The following NUP205 variants were observed in gnomAD, a reference collection of about 807,000 sequenced individuals.
NUP205 encodes nuclear pore complex protein Nup205.
A neutral mutation model predicts 253.8 loss-of-function variants in NUP205; 76 were observed. That is an observed-to-expected ratio of 0.30 (90% confidence interval 0.25 to 0.36). NUP205 has a LOEUF of 0.36. Among genes scored for constraint, NUP205 ranks in the 10% least tolerant of loss-of-function variants. The probability of loss-of-function intolerance (pLI) is 1.00; values close to 1 mark genes in which losing one functional copy is unlikely to be tolerated. For synonymous variants in NUP205, 832 were observed against 850.1 expected (o/e 0.98, Z 0.37); for missense variants, 2,162 against 2,425.5 (o/e 0.89, Z 2.28).
chr7:135,573,982 T>G (rs181181373), intron 3 of NUP205, among the ~76,000 whole-genome samples, 157 bp downstream of exon 3: 95 of 151,370 alleles, frequency 6.3e-4, no homozygotes, highest in African/African-American at 2.2e-3. Context: ...ATCTTTGTTG[T>G]TTTTTTTTGA....
Position 135,625,290 on chromosome 7 carries a change from T to A in NUP205, c.4606T>A (p.Leu1536Met). The part of the protein sequence containing the change: ...VDSLVEDDRT[L>M]QSLLTPQPPL... Reference sequence around the variant, plus strand: ...CAGCTTGGTAGAAGATGACCGTACTTTGCAGAGCTTACTCACCCCACAGCC... The same window carrying A: ...CAGCTTGGTAGAAGATGACCGTACTATGCAGAGCTTACTCACCCCACAGCC... Residue 1536 changes from leucine (L) to methionine (M), a missense_variant, in exon 32 of 43, where the codon TTG becomes ATG. By Grantham distance (15) the Leu-to-Met change is conservative. Around this residue, in one of 5 missense-constraint regions of NUP205, gnomAD observed 1,144 missense variants for 1,280.9 expected, o/e 0.89. Transcript: ENST00000285968. 6.2e-7 allele frequency: 1 copy of A among 1,614,128 alleles called. No homozygotes were observed. The highest frequency in any genetic ancestry group is 8.5e-7 in the Non-Finnish European group (1 of 1,180,002).
intron 34 of NUP205, among the ~76,000 whole-genome samples, chr7:135,629,997 CA>C (rs1391631951): frequency 6.6e-6 from 1 of 152,046 alleles, no homozygotes; most frequent in South Asian, 2.1e-4. Context: ...TTTGGCCAAA[CA>C]ATAAAGAAAA....
chr7:135,561,368 C>G (rs564878724), intron 1 of NUP205, among the ~76,000 whole-genome samples: 1 of 152,056 alleles, frequency 6.6e-6, no homozygotes, highest in Admixed American at 6.6e-5. Flanking sequence ...AAAAAACAAA[C>G]AAAAAAACCT....
chr7:135,576,531 C>T (rs546896199), intron 4 of NUP205, 117 bp downstream of exon 4: 1 of 792,990 alleles, frequency 1.3e-6, no homozygotes, highest in South Asian at 2.0e-5. Context: ...AATATACTCC[C>T]TTATTCTGCC....
intron 34 of NUP205, among the ~76,000 whole-genome samples, chr7:135,629,317 A>T (rs1794655802): frequency 6.6e-6 from 1 of 151,892 alleles, no homozygotes; most frequent in African/African-American, 2.4e-5. Context: ...GGAGGTCAGG[A>T]TTTATATCTC....
At chr7:135,608,934 C>G (rs1217060429) in intron 22 of NUP205, among the ~76,000 whole-genome samples, 1 of 151,408 alleles carries the variant, frequency 6.6e-6, no homozygotes, top group African/African-American at 2.4e-5. Context: ...AACCCCATCT[C>G]TACTAAAAAT....
intron 8 of NUP205, among the ~76,000 whole-genome samples, chr7:135,586,746 G>A (rs145813613): frequency 0.018 from 2,739 of 152,184 alleles, 39 homozygotes; most frequent in Non-Finnish European, 0.027. Flanking sequence ...TCTGTCACAG[G>A]TTTCTAGTTT....
At chr7:135,607,775 G>T (rs923934293) in intron 22 of NUP205, among the ~76,000 whole-genome samples, 5 of 152,056 alleles carry the variant, frequency 3.3e-5, no homozygotes, top group Non-Finnish European at 5.9e-5. Context: ...GAAATGGACT[G>T]TTGAGAGACT....
At chr7:135,610,862 G>A (rs118141924) in intron 22 of NUP205, among the ~76,000 whole-genome samples, 63 of 152,242 alleles carry the variant, frequency 4.1e-4, no homozygotes, top group Non-Finnish European at 7.5e-4. Flanking sequence ...TTGAGGCCTG[G>A]TGCCTTTGCC....
chr7:135,593,253 C>G (rs1348023113), intron 12 of NUP205, 61 bp downstream of exon 12: 5 of 1,382,676 alleles, frequency 3.6e-6, no homozygotes, highest in Non-Finnish European at 5.1e-6. Context: ...ATTTTAAGAG[C>G]CCCAAACATT....
intron 2 of NUP205, 67 bp from the exon 3 acceptor site, chr7:135,573,587 A>G: frequency 8.7e-7 from 1 of 1,154,698 alleles, no homozygotes; most frequent in Non-Finnish European, 1.2e-6. Context: ...AAGCTTCTGT[A>G]GGTAACACTT....
At chr7:135,615,740 T>C (rs1028427184) in intron 23 of NUP205, among the ~76,000 whole-genome samples, 176 bp from the exon 24 acceptor site, 1 of 152,210 alleles carries the variant, frequency 6.6e-6, no homozygotes, top group Non-Finnish European at 1.5e-5. Flanking sequence ...TTTTTCTTTC[T>C]TGGTATCTTT....
In NUP205 at chr7:135,606,214, C is replaced by A; in HGVS notation, c.2893C>A (p.Arg965Ser). Residue 965 changes from arginine to serine, a missense_variant, in exon 20 of 43, where the codon CGT becomes AGT. Arg to Ser is a moderately radical substitution (Grantham distance 110, BLOSUM62 -1). Transcript: ENST00000285968. ...LDCEDAEEFV[R>S]LEEGSELEKK... The stretch of plus-strand genomic sequence containing the variant: ...TTGTGAAGATGCAGAAGAATTTGTA[C>A]GTCTGGAAGAGGGTATGCCTTAGAT... The A allele has an allele frequency of 6.2e-7, 1 of 1,608,194 alleles. No homozygotes were observed. Among genetic ancestry groups the A allele is most frequent in the Non-Finnish European group, 8.5e-7 (1 of 1,174,982 alleles).
At chr7:135,607,963 G>A (rs542649804) in intron 22 of NUP205, among the ~76,000 whole-genome samples, 13 of 150,544 alleles carry the variant, frequency 8.6e-5, no homozygotes, top group Admixed American at 6.0e-4. Context: ...CACCATGCAT[G>A]ACTAATTTTT....
At chr7:135,575,301 G>A (rs185746565) in intron 3 of NUP205, among the ~76,000 whole-genome samples, 18 of 152,164 alleles carry the variant, frequency 1.2e-4, no homozygotes, top group African/African-American at 3.4e-4. Flanking sequence ...TGCAAAATGA[G>A]TAAGCATACA....
At chr7:135,640,882 A>G (rs1445520879) in intron 38 of NUP205, among the ~76,000 whole-genome samples, 1 of 152,130 alleles carries the variant, frequency 6.6e-6, no homozygotes, top group Non-Finnish European at 1.5e-5. Flanking sequence ...AGTTAATTCT[A>G]TATAGTTCTT....
chr7:135,595,424 A>G (rs1042822209), intron 13 of NUP205, among the ~76,000 whole-genome samples: 1 of 151,974 alleles, frequency 6.6e-6, no homozygotes, highest in East Asian at 1.9e-4. Flanking sequence ...GGGTTTTGCC[A>G]TGTTGTCCAG....
chr7:135,631,844 G>A (rs1304600665), intron 35 of NUP205, among the ~76,000 whole-genome samples: 4 of 149,978 alleles, frequency 2.7e-5, no homozygotes, highest in Non-Finnish European at 4.4e-5. Context: ...CCGCCTCCCC[G>A]ATTCACGCCA....
chr7:135,617,518 G>A (rs966221271), intron 26 of NUP205, 84 bp from the exon 27 acceptor site: 1 of 1,017,584 alleles, frequency 9.8e-7, no homozygotes. Flanking sequence ...TTTCCCTTTA[G>A]GGCAGTTTAT....
Sources: allele counts gnomAD v4.1 joint callset (sites outside exome capture counted in the v4.1 genomes callset), GRCh38; gene constraint gnomAD v4.1.1; regional missense constraint gnomAD v4.1.1; transcripts MANE v1.5; gene names NCBI Gene and HGNC (gene_info 2026-07-23, HGNC 2026-07-21).